The following SLC8A2 variants were observed in gnomAD, a reference collection of about 807,000 sequenced individuals.
SLC8A2 encodes solute carrier family 8 member A2.
In SLC8A2, 14 loss-of-function variants were observed where a neutral mutation model predicts 70.2. The ratio of observed to expected loss-of-function variants is 0.20; its 90% CI spans 0.13 to 0.31. SLC8A2 has a LOEUF of 0.31. Ranked by LOEUF, SLC8A2 falls within the 10% of genes least tolerant of loss-of-function variation. The pLI is 1.00. For missense variants in SLC8A2, 779 were observed against 1,320.1 expected (o/e 0.59, Z 6.35); for synonymous variants, 575 against 594.3 (o/e 0.97, Z 0.47).
At chr19:47,439,214 C>T (rs1240052877) in intron 6 of SLC8A2, among the ~76,000 whole-genome samples, 3 of 152,144 alleles carry the variant, frequency 2.0e-5, no homozygotes, top group African/African-American at 4.8e-5. Context: ...CACCCACCAA[C>T]TAGGAACACT....
chr19:47,430,029 C>T lies in SLC8A2; in HGVS notation c.*60G>A. On this transcript the variant is annotated 3_prime_UTR_variant, in exon 10 of 10. Transcript: ENST00000236877. This position sits in a 1 kb window ranked among gnomAD's most constrained non-coding sequence, Gnocchi z 5.9. The stretch of plus-strand genomic sequence containing the variant: ...GGAAAAGGAGACCAGGGTCCAAGAG[C>T]AGGTGCAGCCGAGTCCCTAGCCCCG... 6.7e-7 allele frequency: 1 copy of T among 1,501,504 alleles called. No homozygotes were observed. Among genetic ancestry groups the T allele is most frequent in the Admixed American group, 2.3e-5 (1 of 44,294 alleles). 93.0% of individuals were successfully genotyped at this position (1,501,504 alleles called of 1,614,324 possible). A position where few individuals can be genotyped will look rare whatever the true frequency, so the allele number is the denominator to read the frequency against.
At chr19:47,445,233 C>T (rs62130538) in intron 4 of SLC8A2, among the ~76,000 whole-genome samples, 4,016 of 152,222 alleles carry the variant, frequency 0.026, 94 homozygotes, top group Admixed American at 0.065. Flanking sequence ...CTCAGCCTCC[C>T]GAGTAGCTGG....
intron 4 of SLC8A2, among the ~76,000 whole-genome samples, chr19:47,441,777 G>C (rs954646499): frequency 2.0e-5 from 3 of 152,098 alleles, no homozygotes; most frequent in African/African-American, 4.8e-5. Flanking sequence ...GCAATATATT[G>C]AGAGCCCATC....
In SLC8A2 at chr19:47,465,603, G is replaced by T; in HGVS notation, c.675+126C>A. ...TCTGGTGACCTGCACAACCGTACTT[G>T]GCAGCCCTCTCAGATGTGAGTGTGC... is the stretch of plus-strand genomic sequence containing the variant. On this transcript the variant is annotated intron_variant, in intron 2 of 9. Coordinates refer to ENST00000236877, the MANE Select transcript of SLC8A2 (RefSeq NM_015063.3). The surrounding 1 kb of genome is among the most constrained non-coding windows in gnomAD (Gnocchi z 5.5). The T allele has an allele frequency of 2.4e-6, 2 of 836,356 alleles. No individual in the cohort carries two copies. The highest frequency in any genetic ancestry group is 3.7e-6 in the Non-Finnish European group (2 of 543,760). 51.8% of individuals were successfully genotyped at this position (836,356 alleles called of 1,614,324 possible).
chr19:47,466,011 G>A lies in SLC8A2; in HGVS notation c.393C>T (p.Leu131=), dbSNP rs1967453620. 2.5e-6 allele frequency: 4 copies of A among 1,614,006 alleles called. No individual in the cohort carries two copies. The South Asian group carries it at 4.4e-5, about 18-fold the overall frequency. Residue 131 remains leucine, a synonymous_variant, in exon 2 of 10, where the codon CTC becomes CTT. Coordinates refer to ENST00000236877, the MANE Select transcript of SLC8A2 (RefSeq NM_015063.3). This position sits in a 1 kb window ranked among gnomAD's most constrained non-coding sequence, Gnocchi z 6.9. ...CGGAGGAGCCCAGGGCCATGAGCGTGAGGTTGGACACCGTCTCATTCCAGA... is the reference window on the plus strand; with the variant it reads ...CGGAGGAGCCCAGGGCCATGAGCGTAAGGTTGGACACCGTCTCATTCCAGA... ...VRIWNETVSN[L]TLMALGSSAP... is the part of the protein sequence containing the mutation.
intron 6 of SLC8A2, among the ~76,000 whole-genome samples, chr19:47,440,880 C>T (rs984744685): frequency 2.6e-5 from 4 of 152,120 alleles, no homozygotes; most frequent in Non-Finnish European, 4.4e-5. Flanking sequence ...TGTGAGCCAC[C>T]GCACCTGGCC....
chr19:47,465,504 T>C lies in SLC8A2; in HGVS notation c.675+225A>G, dbSNP rs1967445946. 6.6e-6 allele frequency among the ~76,000 whole-genome samples: 1 copy of C among 152,118 alleles called. No homozygotes were observed. The highest frequency in any genetic ancestry group is 2.4e-5 in the African/African-American group (1 of 41,450). Reference sequence around the variant, plus strand: ...ATGTTTGCTGCACCCTCCAGAGATATGGCTGGGTAGCATCAGCAGGACTCC... The same window carrying C: ...ATGTTTGCTGCACCCTCCAGAGATACGGCTGGGTAGCATCAGCAGGACTCC... On this transcript the variant is annotated intron_variant, in intron 2 of 9. Coordinates refer to ENST00000236877, the MANE Select transcript of SLC8A2 (RefSeq NM_015063.3). The surrounding 1 kb of genome is among the most constrained non-coding windows in gnomAD (Gnocchi z 5.5).
intron 4 of SLC8A2, among the ~76,000 whole-genome samples, chr19:47,443,345 C>T (rs1967120845): frequency 6.6e-6 from 1 of 152,010 alleles, no homozygotes; most frequent in South Asian, 2.1e-4. Flanking sequence ...GCACATAATC[C>T]ACACCCCTCG....
intron 1 of SLC8A2, among the ~76,000 whole-genome samples, chr19:47,470,543 A>G (rs898492595): frequency 1.3e-5 from 2 of 152,156 alleles, no homozygotes; most frequent in Non-Finnish European, 2.9e-5. Flanking sequence ...GCACACCAGG[A>G]AAGGGATGGA....
intron 3 of SLC8A2, 25 bp downstream of exon 3, chr19:47,456,905 A>C: frequency 1.9e-6 from 3 of 1,559,504 alleles, no homozygotes; most frequent in African/African-American, 2.8e-5. Context: ...AGCCCCCTGC[A>C]CACCCCCCAC....
At chr19:47,460,310 C>T (rs1046479995) in intron 2 of SLC8A2, among the ~76,000 whole-genome samples, 2 of 152,232 alleles carry the variant, frequency 1.3e-5, no homozygotes, top group African/African-American at 4.8e-5. Flanking sequence ...TTGGTCTATA[C>T]AATGGGGACA....
chr19:47,436,984 C>A (rs1294446560), intron 8 of SLC8A2, among the ~76,000 whole-genome samples: 1 of 152,138 alleles, frequency 6.6e-6, no homozygotes, highest in Non-Finnish European at 1.5e-5. Context: ...TGGGAGAAAG[C>A]CCAGGCTGGG....
chr19:47,434,041 AGCACACTTGTGTGTG>A (rs1966995989), intron 8 of SLC8A2, among the ~76,000 whole-genome samples: 1 of 152,268 alleles, frequency 6.6e-6, no homozygotes, highest in Non-Finnish European at 1.5e-5. Context: ...AGAATCAATG[AGCACACTTGTGTGTG>A]GCACGCATTA....
rs1568446017 is a variant in SLC8A2, at chr19:47,457,601, G to A, written c.676-7C>T. On this transcript the variant is annotated splice_region_variant and splice_polypyrimidine_tract_variant and intron_variant, in intron 2 of 9. Coordinates refer to ENST00000236877, the MANE Select transcript of SLC8A2 (RefSeq NM_015063.3). ...TCAGCAGCGCCTCCCACACCTGCGG[G>A]CGGCGGGCGTCAGGGCGAGGCCGGG... 1 of 1,533,626 alleles carries A rather than the reference G, an allele frequency of 6.5e-7. No individual in the cohort carries two copies. The highest frequency in any genetic ancestry group is 8.8e-7 in the Non-Finnish European group (1 of 1,141,176).
Position 47,456,923 on chromosome 19 carries a change from G to T in SLC8A2, c.1340+7C>A. 6.3e-7 allele frequency: 1 copy of T among 1,586,468 alleles called. No homozygotes were observed. The highest frequency in any genetic ancestry group is 8.6e-7 in the Non-Finnish European group (1 of 1,167,262). ...CCCCTGCACACCCCCCACCCCGGGG[G>T]ACCCACCTGTACTCGTAGTCGGAGC... On this transcript the variant is annotated splice_region_variant and intron_variant, in intron 3 of 9. Coordinates refer to ENST00000236877, the MANE Select transcript of SLC8A2 (RefSeq NM_015063.3).
chr19:47,455,862 G>A (rs1967297355), intron 3 of SLC8A2, among the ~76,000 whole-genome samples: 1 of 152,202 alleles, frequency 6.6e-6, no homozygotes, highest in Non-Finnish European at 1.5e-5. Flanking sequence ...AGAGGGGTAA[G>A]GAGAGGGACT....
Position 47,465,576 on chromosome 19 carries a change from A to G in SLC8A2, c.675+153T>C, listed in dbSNP as rs1967446833. 6.6e-6 allele frequency among the ~76,000 whole-genome samples: 1 copy of G among 152,230 alleles called. No individual in the cohort carries two copies. The highest frequency in any genetic ancestry group is 1.5e-5 in the Non-Finnish European group (1 of 68,030). On this transcript the variant is annotated intron_variant, in intron 2 of 9. Coordinates refer to ENST00000236877, the MANE Select transcript of SLC8A2 (RefSeq NM_015063.3). This position sits in a 1 kb window ranked among gnomAD's most constrained non-coding sequence, Gnocchi z 5.5. ...CCTGTTTGGCTCAATTCCCTTGTGT[A>G]GTCTGGTGACCTGCACAACCGTACT...
intron 9 of SLC8A2, among the ~76,000 whole-genome samples, chr19:47,431,673 AAAAAAAAC>A (rs1310147546): frequency 1.7e-4 from 24 of 141,708 alleles, no homozygotes; most frequent in Non-Finnish European, 2.3e-4. Context: ...AAAAAAAAAA[AAAAAAAAC>A]AAAACCCAAA....
chr19:47,471,551 G>A (rs909748985), intron 1 of SLC8A2, among the ~76,000 whole-genome samples: 3 of 152,028 alleles, frequency 2.0e-5, no homozygotes, highest in African/African-American at 7.3e-5. Flanking sequence ...TCGCCCCCCA[G>A]TACCCAGGCG....
Sources: allele counts gnomAD v4.1 joint callset (sites outside exome capture counted in the v4.1 genomes callset), GRCh38; gene constraint gnomAD v4.1.1; non-coding constraint Gnocchi (gnomAD v3.1); transcripts MANE v1.5; gene names NCBI Gene and HGNC (gene_info 2026-07-23, HGNC 2026-07-21).